The following CDK8 variants were observed in gnomAD, a reference collection of about 807,000 sequenced individuals.
The protein encoded by CDK8 is cyclin dependent kinase 8.
Under a neutral mutation model 71.5 loss-of-function variants are expected in CDK8, and 29 were observed. That is an observed-to-expected ratio of 0.41 (90% confidence interval 0.30 to 0.55). The LOEUF (loss-of-function observed/expected upper bound fraction) is 0.55. CDK8 is among the 20% of genes least tolerant of loss of function. CDK8 has a pLI of 0.37. For missense variants in CDK8, 288 were observed against 572.6 expected, an observed-to-expected ratio of 0.50 and a Z score of 5.07; for synonymous variants, 161 against 192.1, an observed-to-expected ratio of 0.84 and a Z score of 1.34.
Position 26,341,902 on chromosome 13 carries a change from G to A in CDK8, c.204+4260G>A, listed in dbSNP as rs1314397340. 2.6e-5 allele frequency among the ~76,000 whole-genome samples: 4 copies of A among 152,064 alleles called. No individual in the cohort carries two copies. In the East Asian group the frequency reaches 7.7e-4, roughly 29 times the overall value. ...GTTTCTGTAATGGAAACTATTATAT[G>A]AGTATCTTTAAACCTTCTGTTTTCA... On this transcript the variant is annotated intron_variant, in intron 2 of 12. Coordinates refer to ENST00000381527, the MANE Select transcript of CDK8 (RefSeq NM_001260.3).
At chr13:26,309,234 G>C (rs1309844115) in intron 1 of CDK8, among the ~76,000 whole-genome samples, 1 of 151,794 alleles carries the variant, frequency 6.6e-6, no homozygotes, top group Admixed American at 6.6e-5. Context: ...CCGCCTCCCA[G>C]GTTCACGCCA....
rs981771151 is a variant in CDK8, at chr13:26,395,373, C to A, written c.791-912C>A. 8.6e-5 allele frequency among the ~76,000 whole-genome samples: 13 copies of A among 151,856 alleles called. No individual in the cohort carries two copies. The East Asian group carries it at 2.5e-3, about 30-fold the overall frequency. ...GATTACATGCCTGTAATCCCAGCTA[C>A]TCTGGAGGCTGAGGCAGGGGAATCA... On this transcript the variant is annotated intron_variant, in intron 7 of 12. Transcript: ENST00000381527.
chr13:26,368,038 G>C (rs1319092975), intron 4 of CDK8, among the ~76,000 whole-genome samples: 1 of 152,174 alleles, frequency 6.6e-6, no homozygotes, highest in African/African-American at 2.4e-5. Flanking sequence ...AGAATTTTCT[G>C]CTGCTGGGAA....
chr13:26,391,121 TTGAAGAAA>T (rs1215143212), intron 6 of CDK8, among the ~76,000 whole-genome samples: 1 of 151,982 alleles, frequency 6.6e-6, no homozygotes, highest in Non-Finnish European at 1.5e-5. Flanking sequence ...GGTCAGGATT[TTGAAGAAA>T]GGAAGAATGG....
rs549260564 is a variant in CDK8 at position 26,298,972 on chromosome 13, A to G, written c.129-38595A>G. ...CTGTGGTAATTTGCCCCTGGATTTCATCCAATATGCTTTTCTAATGCTAGA... is the reference window on the plus strand; with the variant it reads ...CTGTGGTAATTTGCCCCTGGATTTCGTCCAATATGCTTTTCTAATGCTAGA... On this transcript the variant is annotated intron_variant, in intron 1 of 12. Transcript: ENST00000381527. Among the ~76,000 whole-genome samples the G allele has an allele frequency of 3.9e-5, 6 of 152,190 alleles. No individual in the cohort carries two copies. In the East Asian group the frequency reaches 1.2e-3, roughly 29 times the overall value.
At chr13:26,339,756 A>ATATATATATATATATATATATATATAT (rs57119146) in intron 2 of CDK8, among the ~76,000 whole-genome samples, 2 of 142,998 alleles carry the variant, frequency 1.4e-5, no homozygotes, top group African/African-American at 5.1e-5. Flanking sequence ...TTAAAAAAAA[A>ATATATATATATATATATATATATATAT]ATATATATAT....
intron 1 of CDK8, among the ~76,000 whole-genome samples, chr13:26,329,393 A>G (rs533381000): frequency 1.4e-5 from 2 of 146,740 alleles, no homozygotes; most frequent in Non-Finnish European, 3.0e-5. Flanking sequence ...TTTCTTCTTA[A>G]CTTATTTTGG....
At chr13:26,371,818 A>T (rs1026818149) in intron 4 of CDK8, among the ~76,000 whole-genome samples, 1 of 152,068 alleles carries the variant, frequency 6.6e-6, no homozygotes, top group East Asian at 1.9e-4. Flanking sequence ...GGGTTTCACC[A>T]TGTTGGTCAG....
chr13:26,279,106 C>G (rs555992765), intron 1 of CDK8, among the ~76,000 whole-genome samples: 6 of 151,558 alleles, frequency 4.0e-5, no homozygotes, highest in Non-Finnish European at 7.4e-5. Flanking sequence ...ATAATTTGTC[C>G]TATAACGAAC....
intron 1 of CDK8, among the ~76,000 whole-genome samples, chr13:26,303,640 C>T (rs1873915277): frequency 6.6e-6 from 1 of 152,160 alleles, no homozygotes; most frequent in Non-Finnish European, 1.5e-5. Flanking sequence ...AGAGAACATA[C>T]ATGAACATTT....
intron 1 of CDK8, among the ~76,000 whole-genome samples, chr13:26,259,950 A>G (rs969397695): frequency 6.6e-6 from 1 of 152,222 alleles, no homozygotes; most frequent in Admixed American, 6.5e-5. Context: ...AATGCAAGGT[A>G]TATGGCAACA....
intron 2 of CDK8, among the ~76,000 whole-genome samples, chr13:26,342,308 G>T (rs988703559): frequency 1.3e-5 from 2 of 152,156 alleles, no homozygotes; most frequent in African/African-American, 4.8e-5. Context: ...CCTCCAAATA[G>T]TGTCATGTAG....
intron 1 of CDK8, among the ~76,000 whole-genome samples, chr13:26,290,847 T>G (rs185101410): frequency 0.017 from 2,604 of 152,228 alleles, 32 homozygotes; most frequent in Middle Eastern, 0.031. Flanking sequence ...CCAGGCGCGG[T>G]GGCTCACACC....
intron 1 of CDK8, among the ~76,000 whole-genome samples, chr13:26,282,473 T>A (rs1872793631): frequency 1.3e-5 from 2 of 152,126 alleles, no homozygotes; most frequent in Admixed American, 1.3e-4. Context: ...AAATGAACCT[T>A]CATAAATGGA....
At chr13:26,318,932 T>G (rs1257657421) in intron 1 of CDK8, among the ~76,000 whole-genome samples, 1 of 152,218 alleles carries the variant, frequency 6.6e-6, no homozygotes, top group African/African-American at 2.4e-5. Flanking sequence ...TTACCACTTC[T>G]GTGCATTATA....
At chr13:26,302,654 A>G (rs1449301371) in intron 1 of CDK8, among the ~76,000 whole-genome samples, 1 of 152,248 alleles carries the variant, frequency 6.6e-6, no homozygotes, top group Non-Finnish European at 1.5e-5. Flanking sequence ...TTAGATGGAC[A>G]AGTCTGGAGA....
chr13:26,403,501 A>G (rs1876363228), intron 12 of CDK8, among the ~76,000 whole-genome samples: 1 of 152,208 alleles, frequency 6.6e-6, no homozygotes, highest in African/African-American at 2.4e-5. Flanking sequence ...ATTAATGCCA[A>G]AGAAATGGAT....
intron 1 of CDK8, among the ~76,000 whole-genome samples, chr13:26,313,419 G>A (rs973701352): frequency 2.0e-5 from 3 of 152,152 alleles, no homozygotes; most frequent in Admixed American, 6.5e-5. Context: ...CTTTCATGTC[G>A]AGTTGAATGT....
chr13:26,273,818 T>G (rs1481940405), intron 1 of CDK8, among the ~76,000 whole-genome samples: 1 of 152,104 alleles, frequency 6.6e-6, no homozygotes, highest in African/African-American at 2.4e-5. Context: ...TAACTATCAA[T>G]TGTAGAAAAT....
Sources: allele counts gnomAD v4.1 joint callset (sites outside exome capture counted in the v4.1 genomes callset), GRCh38; gene constraint gnomAD v4.1.1; transcripts MANE v1.5; gene names NCBI Gene and HGNC (gene_info 2026-07-23, HGNC 2026-07-21).